Variants in MON2 observed in about 807,000 individuals in gnomAD.
MON2 encodes the protein protein MON2 homolog.
MON2 carries 84 observed loss-of-function variants against 208.6 expected under a neutral mutation model. That is an observed-to-expected ratio of 0.40 (90% CI 0.34 to 0.48). The LOEUF (loss-of-function observed/expected upper bound fraction) is 0.48, where lower values mean the gene tolerates loss of function less well. Ranked by LOEUF, MON2 falls within the 20% of genes least tolerant of loss-of-function variation. The pLI, the probability that MON2 is intolerant of heterozygous loss-of-function variation, is 0.59. For synonymous variants in MON2, 660 were observed against 694.0 expected, an observed-to-expected ratio of 0.95 and a Z score of 0.77; for missense variants, 1,611 against 2,015.4, an observed-to-expected ratio of 0.80 and a Z score of 3.84.
At chr12:62,527,638 CT>C (rs2072401700) in intron 11 of MON2, among the ~76,000 whole-genome samples, 1 of 151,928 alleles carries the variant, frequency 6.6e-6, no homozygotes, top group Non-Finnish European at 1.5e-5. Flanking sequence ...CTTCATAGAG[CT>C]TACACTTTAG....
chr12:62,591,957 A>G (rs182029260), intron 34 of MON2, among the ~76,000 whole-genome samples: 1 of 152,356 alleles, frequency 6.6e-6, no homozygotes, highest in African/African-American at 2.4e-5. Flanking sequence ...ATTGGGATAT[A>G]ACACTTTTGT....
rs1202201851 is a variant in MON2, at chr12:62,543,118, G to C, written c.2386G>C (p.Ala796Pro). 6.3e-7 allele frequency: 1 copy of C among 1,575,094 alleles called. No individual in the cohort carries two copies. Among genetic ancestry groups the C allele is most frequent in the Non-Finnish European group, 8.6e-7 (1 of 1,164,322 alleles). ...NNKEPSLFAV[A>P]KLLETGLVNM... ...CTAGGAACCATCTCTTTTTGCTGTT[G>C]CCAAATTGTTAGAAACTGGTTTAGT... Residue 796 changes from alanine (A) to proline (P), a missense_variant, in exon 20 of 35, where the codon GCC becomes CCC. Physicochemically the swap from Ala to Pro is conservative, Grantham distance 27 (BLOSUM62 -1). Coordinates refer to ENST00000393630, the MANE Select transcript of MON2 (RefSeq NM_015026.3).
chr12:62,515,519 TA>T (rs953636305), intron 8 of MON2, among the ~76,000 whole-genome samples: 10 of 152,086 alleles, frequency 6.6e-5, no homozygotes, highest in African/African-American at 2.2e-4. Flanking sequence ...TTTTGCAAGA[TA>T]AAAAAGTTCT....
chr12:62,583,011 A>T lies in MON2; in HGVS notation c.4700-2283A>T, dbSNP rs1379542601. Among the ~76,000 whole-genome samples the T allele has an allele frequency of 4.6e-5, 7 of 152,198 alleles. No homozygotes were observed. The East Asian group carries it at 7.7e-4, about 17-fold the overall frequency. ...GATCAAAGAGATAAAAGAACAATTT[A>T]AAAAATGCTACATAAAAGGAGCAGT... On this transcript the variant is annotated intron_variant, in intron 32 of 34. Coordinates refer to ENST00000393630, the MANE Select transcript of MON2 (RefSeq NM_015026.3).
chr12:62,486,862 A>G (rs1232884033), intron 2 of MON2, among the ~76,000 whole-genome samples: 1 of 152,154 alleles, frequency 6.6e-6, no homozygotes, highest in Non-Finnish European at 1.5e-5. Flanking sequence ...ATGTCTCTGT[A>G]TATTCAGAAT....
chr12:62,571,710 C>T lies in MON2; in HGVS notation c.4514+128C>T, dbSNP rs2074602929. On this transcript the variant is annotated intron_variant, in intron 30 of 34. Transcript: ENST00000393630. ...AAAGGTTGCTAGATTGTATTAAAAA[C>T]ACACCTGAATTAGCCATTTATCCAT... is the stretch of plus-strand genomic sequence containing the variant. 4 of 771,466 alleles carry T rather than the reference C, an allele frequency of 5.2e-6. No homozygotes were observed. The East Asian group carries it at 1.1e-4, about 22-fold the overall frequency. The allele number at this position is 771,466 out of a possible 1,614,324, so 47.8% of individuals were successfully genotyped here.
chr12:62,587,896 T>C (rs1565718286), intron 33 of MON2, 178 bp from the exon 34 acceptor site: 1 of 492,830 alleles, frequency 2.0e-6, no homozygotes, highest in Non-Finnish European at 3.6e-6. Context: ...CACACTGAAG[T>C]ACATATAAAT....
chr12:62,574,379 T>C (rs1163018044), intron 30 of MON2, among the ~76,000 whole-genome samples: 1 of 152,074 alleles, frequency 6.6e-6, no homozygotes, highest in Non-Finnish European at 1.5e-5. Context: ...GGTTTTTGTT[T>C]GTTTTTGTTT....
chr12:62,552,226 C>G (rs1018803355), intron 23 of MON2, among the ~76,000 whole-genome samples: 1 of 151,950 alleles, frequency 6.6e-6, no homozygotes. Flanking sequence ...CCACGGATAC[C>G]GAGGGACAAC....
chr12:62,469,639 G>A (rs917663540), intron 1 of MON2, among the ~76,000 whole-genome samples: 16 of 152,062 alleles, frequency 1.1e-4, no homozygotes, highest in Admixed American at 3.3e-4. Flanking sequence ...TAGGACAAAG[G>A]TTTGACTTTC....
At chr12:62,487,755 CATATTCCT>C (rs928179137) in intron 2 of MON2, among the ~76,000 whole-genome samples, 1 of 151,906 alleles carries the variant, frequency 6.6e-6, no homozygotes, top group African/African-American at 2.4e-5. Flanking sequence ...TATCATGCAA[CATATTCCT>C]AATGAGTAAA....
intron 7 of MON2, among the ~76,000 whole-genome samples, chr12:62,502,942 A>C (rs2070918753): frequency 6.6e-6 from 1 of 152,164 alleles, no homozygotes; most frequent in Non-Finnish European, 1.5e-5. Context: ...ATGGCTCATA[A>C]TTTTTGGTAT....
intron 31 of MON2, among the ~76,000 whole-genome samples, chr12:62,579,842 A>AAAT (rs1177928104): frequency 1.3e-5 from 2 of 152,250 alleles, no homozygotes; most frequent in Non-Finnish European, 2.9e-5. Flanking sequence ...TTAAAGGGCA[A>AAAT]AATAACATAC....
chr12:62,554,836 G>A (rs2073898164), intron 24 of MON2, among the ~76,000 whole-genome samples: 1 of 151,986 alleles, frequency 6.6e-6, no homozygotes, highest in Non-Finnish European at 1.5e-5. Context: ...ACCTTTGTGT[G>A]TGTGTGTTTT....
chr12:62,470,693 A>C (rs147367682), intron 1 of MON2: 24 of 1,130,484 alleles, frequency 2.1e-5, no homozygotes, highest in African/African-American at 3.3e-5. Flanking sequence ...ATTATTTCCT[A>C]TTTGCAGGTA....
chr12:62,538,391 C>G, intron 18 of MON2, 24 bp from the exon 19 acceptor site: 1 of 1,592,300 alleles, frequency 6.3e-7, no homozygotes, highest in Non-Finnish European at 8.6e-7. Flanking sequence ...ATCAAGATGT[C>G]TTATTTCTTC....
At chr12:62,527,467 T>C (rs2072391561) in intron 11 of MON2, among the ~76,000 whole-genome samples, 1 of 152,182 alleles carries the variant, frequency 6.6e-6, no homozygotes, top group East Asian at 1.9e-4. Flanking sequence ...TAGTATTTTA[T>C]AGGCTTTGCC....
At chr12:62,568,468 C>T (rs2074465927) in intron 29 of MON2, among the ~76,000 whole-genome samples, 1 of 151,362 alleles carries the variant, frequency 6.6e-6, no homozygotes, top group Admixed American at 6.6e-5. Flanking sequence ...CCTCCCAAGT[C>T]GCTGGGACTA....
At chr12:62,506,360 C>T (rs2136103749) in intron 7 of MON2, among the ~76,000 whole-genome samples, 1 of 152,296 alleles carries the variant, frequency 6.6e-6, no homozygotes, top group South Asian at 2.1e-4. Context: ...CACTTATCTC[C>T]AGGAGGTGAG....
Sources: allele counts gnomAD v4.1 joint callset (sites outside exome capture counted in the v4.1 genomes callset), GRCh38; gene constraint gnomAD v4.1.1; transcripts MANE v1.5; gene names NCBI Gene and HGNC (gene_info 2026-07-23, HGNC 2026-07-21).